KCNT2: variants seen among roughly 807,000 people sequenced by gnomAD.
KCNT2 encodes the protein potassium sodium-activated channel subfamily T member 2.
A neutral mutation model predicts 153.8 loss-of-function variants in KCNT2; 67 were observed. The ratio of observed to expected loss-of-function variants is 0.44; its 90% CI spans 0.36 to 0.53. KCNT2 has a LOEUF of 0.53. Ranked by LOEUF, KCNT2 falls within the 20% of genes least tolerant of loss-of-function variation. KCNT2 has a pLI of 0.00. For missense variants in KCNT2, 975 were observed against 1,354.8 expected (o/e 0.72, Z 4.40); for synonymous variants, 500 against 458.8 (o/e 1.09, Z -1.15).
At chr1:196,445,668 A>G (rs147825933) in intron 8 of KCNT2, among the ~76,000 whole-genome samples, 44 of 151,524 alleles carry the variant, frequency 2.9e-4, no homozygotes, top group African/African-American at 9.4e-4. Flanking sequence ...CTTAAAATCA[A>G]CTGAAAAATT....
At chr1:196,241,521 T>A (rs1174955027) in intron 26 of KCNT2, among the ~76,000 whole-genome samples, 1 of 152,084 alleles carries the variant, frequency 6.6e-6, no homozygotes, top group Non-Finnish European at 1.5e-5. Context: ...TAAAGAAGAA[T>A]AATTCCATTT....
intron 14 of KCNT2, among the ~76,000 whole-genome samples, chr1:196,352,682 G>T (rs1169478754): frequency 1.3e-5 from 2 of 152,060 alleles, no homozygotes; most frequent in Non-Finnish European, 2.9e-5. Flanking sequence ...ATTTTTTGAA[G>T]GGTTTTTTGT....
At chr1:196,380,539 A>G (rs1355495675) in intron 13 of KCNT2, among the ~76,000 whole-genome samples, 5 of 152,208 alleles carry the variant, frequency 3.3e-5, no homozygotes, top group South Asian at 4.1e-4. Context: ...TTTGGAAAAC[A>G]GTAAATAGTG....
intron 14 of KCNT2, among the ~76,000 whole-genome samples, chr1:196,343,413 C>T (rs1446685484): frequency 6.6e-6 from 1 of 151,818 alleles, no homozygotes; most frequent in African/African-American, 2.4e-5. Flanking sequence ...ATGAACTCTA[C>T]AAAAAAGCAC....
At chr1:196,383,155 T>C (rs960616847) in intron 13 of KCNT2, among the ~76,000 whole-genome samples, 1 of 152,134 alleles carries the variant, frequency 6.6e-6, no homozygotes, top group Non-Finnish European at 1.5e-5. Context: ...TGAAATGGAA[T>C]AATGGTTCTC....
intron 1 of KCNT2, among the ~76,000 whole-genome samples, chr1:196,581,991 C>A (rs1224138831): frequency 6.6e-6 from 1 of 152,078 alleles, no homozygotes; most frequent in African/African-American, 2.4e-5. Flanking sequence ...ACTGCCAGTT[C>A]TTCAGGTAGA....
intron 26 of KCNT2, among the ~76,000 whole-genome samples, chr1:196,247,764 T>C (rs1465788204): frequency 1.3e-5 from 2 of 152,102 alleles, no homozygotes; most frequent in African/African-American, 4.8e-5. Flanking sequence ...GTAGGGGTTA[T>C]GGAAACTACA....
chr1:196,347,455 T>G (rs1392172034), intron 14 of KCNT2, among the ~76,000 whole-genome samples: 2 of 152,202 alleles, frequency 1.3e-5, no homozygotes, highest in African/African-American at 2.4e-5. Context: ...TATTTGTTTA[T>G]TCCTTCCTCC....
intron 13 of KCNT2, among the ~76,000 whole-genome samples, chr1:196,380,523 C>T (rs1201652049): frequency 6.6e-6 from 1 of 152,116 alleles, no homozygotes; most frequent in Non-Finnish European, 1.5e-5. Context: ...TGCTAGGTAA[C>T]AGCTCTTTGG....
intron 25 of KCNT2, among the ~76,000 whole-genome samples, chr1:196,273,135 G>A (rs1196093954): frequency 6.6e-6 from 1 of 151,678 alleles, no homozygotes; most frequent in Non-Finnish European, 1.5e-5. Flanking sequence ...CTAAAAAGTT[G>A]AAAAGCAAAA....
In KCNT2 at chr1:196,379,775, A is replaced by G. The variant is rs1669318798; in HGVS notation, c.1295-6527T>C. ...GATCAAGTGGTCAAGTGGTATCACC[A>G]GTGAGTGTGCCAGGCCATGGGCAAA... On this transcript the variant is annotated intron_variant, in intron 13 of 27. Coordinates refer to ENST00000294725, the MANE Select transcript of KCNT2 (RefSeq NM_198503.5). Among the ~76,000 whole-genome samples, 3 of 152,272 alleles carry G rather than the reference A, an allele frequency of 2.0e-5. No homozygotes were observed. The South Asian group carries it at 6.2e-4, about 32-fold the overall frequency.
At chr1:196,251,852 G>T (rs1028571148) in intron 26 of KCNT2, among the ~76,000 whole-genome samples, 2 of 151,784 alleles carry the variant, frequency 1.3e-5, no homozygotes, top group Non-Finnish European at 2.9e-5. Context: ...TTTATCAAAA[G>T]ACCTCATGTA....
intron 26 of KCNT2, among the ~76,000 whole-genome samples, chr1:196,249,200 G>C (rs926676112): frequency 3.9e-5 from 6 of 152,112 alleles, no homozygotes; most frequent in African/African-American, 1.4e-4. Flanking sequence ...GTATCATACT[G>C]AGTAGGGAAA....
chr1:196,389,165 T>C (rs1227958211), intron 13 of KCNT2, among the ~76,000 whole-genome samples: 1 of 151,750 alleles, frequency 6.6e-6, no homozygotes, highest in African/African-American at 2.4e-5. Context: ...TATATGACTA[T>C]TGTAACCTTG....
chr1:196,265,053 T>C (rs141611308), intron 25 of KCNT2, among the ~76,000 whole-genome samples: 1 of 152,176 alleles, frequency 6.6e-6, no homozygotes, highest in Non-Finnish European at 1.5e-5. Flanking sequence ...CCTCATTATA[T>C]GAGTTGTAGC....
At chr1:196,340,975 A>T (rs1665567135) in intron 15 of KCNT2, among the ~76,000 whole-genome samples, 1 of 151,918 alleles carries the variant, frequency 6.6e-6, no homozygotes, top group Non-Finnish European at 1.5e-5. Context: ...CCTGAAAGAG[A>T]ACCAGGGTCC....
intron 26 of KCNT2, among the ~76,000 whole-genome samples, chr1:196,252,757 T>C (rs895047112): frequency 2.0e-5 from 3 of 151,506 alleles, no homozygotes; most frequent in African/African-American, 7.2e-5. Flanking sequence ...TTTTTTGTAG[T>C]ATAAACAAAT....
At chr1:196,576,139 C>T (rs987850841) in intron 1 of KCNT2, among the ~76,000 whole-genome samples, 3 of 150,290 alleles carry the variant, frequency 2.0e-5, no homozygotes, top group African/African-American at 7.4e-5. Context: ...ATCCTAACAT[C>T]GATGCTAAAT....
At chr1:196,598,351 C>T (rs149321855) in intron 1 of KCNT2, among the ~76,000 whole-genome samples, 1 of 152,122 alleles carries the variant, frequency 6.6e-6, no homozygotes, top group Non-Finnish European at 1.5e-5. Flanking sequence ...CAATAATAAT[C>T]TATACCCCCA....
Sources: gnomAD v4.1 joint callset for allele counts (sites outside exome capture counted in the v4.1 genomes callset) on GRCh38, gnomAD v4.1.1 for gene constraint, MANE v1.5 for transcripts, NCBI Gene and HGNC (gene_info 2026-07-23, HGNC 2026-07-21) for gene names.